The following ARHGEF26 variants were observed in gnomAD, a reference collection of about 807,000 sequenced individuals.
ARHGEF26 encodes Rho guanine nucleotide exchange factor (GEF) 26.
In ARHGEF26, 59 loss-of-function variants were observed where a neutral mutation model predicts 89.4. The ratio of observed to expected loss-of-function variants is 0.66; its 90% CI spans 0.54 to 0.82. ARHGEF26 has a LOEUF of 0.82. ARHGEF26 is among the 40% of genes least tolerant of loss of function. ARHGEF26 has a pLI of 0.00. For missense variants in ARHGEF26, 1,234 were observed against 1,085.6 expected, an observed-to-expected ratio of 1.14 and a Z score of -1.92; for synonymous variants, 500 against 428.4, an observed-to-expected ratio of 1.17 and a Z score of -2.06.
intron 11 of ARHGEF26, among the ~76,000 whole-genome samples, chr3:154,235,069 T>TC (rs1409927448): frequency 3.3e-5 from 5 of 152,174 alleles, no homozygotes; most frequent in African/African-American, 7.2e-5. Flanking sequence ...CTTTTTTTTT[T>TC]CCACAATCTT....
At chr3:154,247,850 G>A (rs747747027) in intron 12 of ARHGEF26, among the ~76,000 whole-genome samples, 38 of 152,170 alleles carry the variant, frequency 2.5e-4, no homozygotes, top group Admixed American at 2.2e-3. Flanking sequence ...TCATGGTATC[G>A]TCAATGAGAC....
chr3:154,195,726 ACAAAT>A (rs1347715421), intron 9 of ARHGEF26, among the ~76,000 whole-genome samples: 1 of 152,136 alleles, frequency 6.6e-6, no homozygotes, highest in African/African-American at 2.4e-5. Flanking sequence ...GGCTAAATAA[ACAAAT>A]CAGAAGCTCA....
chr3:154,225,797 C>A (rs182197388), intron 10 of ARHGEF26, 59 bp from the exon 11 acceptor site: 1 of 1,516,378 alleles, frequency 6.6e-7, no homozygotes, highest in Non-Finnish European at 8.8e-7. Flanking sequence ...CTTTTACTTT[C>A]AGTAAACTTA....
chr3:154,231,348 G>A (rs1460771442), intron 11 of ARHGEF26, among the ~76,000 whole-genome samples: 9 of 152,266 alleles, frequency 5.9e-5, no homozygotes, highest in Non-Finnish European at 2.9e-5. Flanking sequence ...TGCCACTACT[G>A]AGAAGCACAA....
intron 9 of ARHGEF26, among the ~76,000 whole-genome samples, chr3:154,213,624 T>G (rs1715538465): frequency 6.6e-6 from 1 of 152,120 alleles, no homozygotes; most frequent in Admixed American, 6.5e-5. Context: ...TGCCATTTTT[T>G]CTTTTCATTT....
At chr3:154,136,760 G>C (rs1053637816) in intron 4 of ARHGEF26, among the ~76,000 whole-genome samples, 3 of 152,106 alleles carry the variant, frequency 2.0e-5, no homozygotes, top group Non-Finnish European at 4.4e-5. Context: ...GTGACTTGTT[G>C]CTTAAAATAG....
At chr3:154,242,829 A>G (rs1717551259) in intron 12 of ARHGEF26, among the ~76,000 whole-genome samples, 1 of 151,858 alleles carries the variant, frequency 6.6e-6, no homozygotes, top group Non-Finnish European at 1.5e-5. Flanking sequence ...CAAAAAAAAA[A>G]GGGAGCTTCA....
intron 3 of ARHGEF26, among the ~76,000 whole-genome samples, chr3:154,126,424 C>A (rs1362494757): frequency 6.6e-6 from 1 of 152,138 alleles, no homozygotes; most frequent in African/African-American, 2.4e-5. Flanking sequence ...CCTCTCTCTG[C>A]CCCCATATCC....
At chr3:154,242,529 C>T (rs1413734081) in intron 12 of ARHGEF26, among the ~76,000 whole-genome samples, 1 of 152,128 alleles carries the variant, frequency 6.6e-6, no homozygotes, top group African/African-American at 2.4e-5. Context: ...GTTGCTTCTT[C>T]AGGATGAGCA....
intron 9 of ARHGEF26, among the ~76,000 whole-genome samples, chr3:154,202,942 A>G (rs962889574): frequency 3.3e-5 from 5 of 152,330 alleles, no homozygotes; most frequent in Non-Finnish European, 5.9e-5. Context: ...TGTCATCTGC[A>G]AACAGGGACA....
intron 6 of ARHGEF26, among the ~76,000 whole-genome samples, chr3:154,184,335 A>G (rs2108169282): frequency 6.6e-6 from 1 of 152,336 alleles, no homozygotes; most frequent in Admixed American, 6.5e-5. Context: ...GTTAAATGAC[A>G]AATATTTCAC....
rs1712755030 is a variant in ARHGEF26 at position 154,175,467 on chromosome 3, C to T, written c.1488-12218C>T. Among the ~76,000 whole-genome samples, 3 of 152,200 alleles carry T rather than the reference C, an allele frequency of 2.0e-5. No individual in the cohort carries two copies. The South Asian group carries it at 6.2e-4, about 32-fold the overall frequency. On this transcript the variant is annotated intron_variant, in intron 6 of 14. Transcript: ENST00000465093. ...AAGTGCAAGGAATTAATGTACCAAA[C>T]CCTGGAGATGTGTAAAAGAAAAACC...
chr3:154,225,041 A>G (rs887613009), intron 10 of ARHGEF26, among the ~76,000 whole-genome samples: 6 of 141,680 alleles, frequency 4.2e-5, no homozygotes, highest in Non-Finnish European at 3.1e-5. Context: ...TTTGGCAGTA[A>G]ACATTTCTGG....
chr3:154,251,231 A>C (rs1211562467), intron 12 of ARHGEF26, among the ~76,000 whole-genome samples: 1 of 152,140 alleles, frequency 6.6e-6, no homozygotes, highest in African/African-American at 2.4e-5. Context: ...TTGTCCTCTG[A>C]AAAAAATAGA....
chr3:154,131,314 T>G (rs1718673088), intron 4 of ARHGEF26, among the ~76,000 whole-genome samples: 1 of 152,204 alleles, frequency 6.6e-6, no homozygotes, highest in Non-Finnish European at 1.5e-5. Context: ...ATCCAGACTT[T>G]TATGAGTATT....
In ARHGEF26 at chr3:154,152,831, A is replaced by G. The variant is rs1269250406; in HGVS notation, c.1386A>G (p.Ile462Met). The G allele has an allele frequency of 6.4e-7, 1 of 1,574,442 alleles. No individual in the cohort carries two copies. The highest frequency in any genetic ancestry group is 8.6e-7 in the Non-Finnish European group (1 of 1,158,754). The change falls in exon 6 of 15, where the codon ATA becomes ATG. Residue 462 changes from isoleucine (I) to methionine (M), a missense_variant. Physicochemically the swap from Ile to Met is conservative, Grantham distance 10. Coordinates refer to ENST00000465093, the MANE Select transcript of ARHGEF26 (RefSeq NM_015595.4). The stretch of plus-strand genomic sequence containing the variant: ...ATTTACTCAGCTTGGAGATCTTGAT[A>G]CGAATGTTTAAAAATTCTAAAGAAC... ...HSYLLSLEIL[I>M]RMFKNSKELS...
intron 4 of ARHGEF26, among the ~76,000 whole-genome samples, chr3:154,133,372 C>T (rs938379820): frequency 1.3e-5 from 2 of 151,960 alleles, no homozygotes; most frequent in Admixed American, 1.3e-4. Flanking sequence ...TTTAGTTGGG[C>T]CTCAGTAGAA....
chr3:154,128,551 A>G (rs1035000066), intron 3 of ARHGEF26, among the ~76,000 whole-genome samples: 1 of 152,034 alleles, frequency 6.6e-6, no homozygotes, highest in Non-Finnish European at 1.5e-5. Context: ...CTCAACTCCC[A>G]TCTTCTGTAC....
At chr3:154,121,678 G>C (rs977269087) in intron 1 of ARHGEF26, among the ~76,000 whole-genome samples, 159 bp downstream of exon 1, 8 of 152,356 alleles carry the variant, frequency 5.3e-5, no homozygotes, top group African/African-American at 1.4e-4. Flanking sequence ...CAGTGAATGG[G>C]TGGCGGGCTC....
Sources: gnomAD v4.1 joint callset for allele counts (sites outside exome capture counted in the v4.1 genomes callset) on GRCh38, gnomAD v4.1.1 for gene constraint, MANE v1.5 for transcripts, NCBI Gene and HGNC (gene_info 2026-07-23, HGNC 2026-07-21) for gene names.